The following TMTC1 variants were observed in gnomAD, a reference collection of about 807,000 sequenced individuals.
TMTC1 encodes the protein protein O-mannosyl-transferase TMTC1.
Under a neutral mutation model 104.8 loss-of-function variants are expected in TMTC1, and 73 were observed. The observed-to-expected ratio is 0.70, with a 90% CI of 0.58 to 0.85. The LOEUF is 0.85. TMTC1 is among the 40% of genes least tolerant of loss of function. The pLI is 0.00. For missense variants in TMTC1, 1,035 were observed against 1,096.1 expected, an observed-to-expected ratio of 0.94 and a Z score of 0.79; for synonymous variants, 434 against 428.7, an observed-to-expected ratio of 1.01 and a Z score of -0.15.
chr12:29,672,697 T>C (rs1940564592), intron 5 of TMTC1, among the ~76,000 whole-genome samples: 1 of 152,086 alleles, frequency 6.6e-6, no homozygotes, highest in Non-Finnish European at 1.5e-5. Context: ...ACAACGACAA[T>C]AAATCCAGAA....
chr12:29,529,658 T>C (rs961311316), intron 11 of TMTC1, among the ~76,000 whole-genome samples: 1 of 152,310 alleles, frequency 6.6e-6, no homozygotes, highest in Admixed American at 6.5e-5. Flanking sequence ...ACACCTGTTT[T>C]CTCACCCTCT....
intron 5 of TMTC1, among the ~76,000 whole-genome samples, chr12:29,667,609 T>C (rs1940334394): frequency 6.6e-6 from 1 of 152,214 alleles, no homozygotes; most frequent in South Asian, 2.1e-4. Flanking sequence ...CCCAGAAATG[T>C]TACTTGGCCT....
chr12:29,579,496 G>T (rs1945917224), intron 8 of TMTC1, among the ~76,000 whole-genome samples: 1 of 152,190 alleles, frequency 6.6e-6, no homozygotes, highest in South Asian at 2.1e-4. Context: ...TTCCTACAGA[G>T]TAGGAAGATG....
intron 1 of TMTC1, among the ~76,000 whole-genome samples, chr12:29,770,965 T>C (rs182728170): frequency 3.0e-4 from 45 of 152,232 alleles, no homozygotes; most frequent in Non-Finnish European, 2.9e-5. Flanking sequence ...CAAAGGCGTT[T>C]ATCAAAATCT....
At chr12:29,653,829 T>G (rs1939634678) in intron 5 of TMTC1, among the ~76,000 whole-genome samples, 1 of 152,216 alleles carries the variant, frequency 6.6e-6, no homozygotes, top group South Asian at 2.1e-4. Flanking sequence ...CCTTACATCT[T>G]GATATACCCA....
intron 10 of TMTC1, among the ~76,000 whole-genome samples, chr12:29,556,090 C>T (rs928114557): frequency 6.6e-6 from 1 of 151,874 alleles, no homozygotes; most frequent in African/African-American, 2.4e-5. Flanking sequence ...TCCATAACTA[C>T]CACCACCGTT....
chr12:29,633,520 T>C (rs1215409715), intron 5 of TMTC1, among the ~76,000 whole-genome samples, 184 bp from the exon 6 acceptor site: 1 of 152,172 alleles, frequency 6.6e-6, no homozygotes, highest in African/African-American at 2.4e-5. Context: ...TTGGGATATA[T>C]CTAATAGGTT....
intron 7 of TMTC1, among the ~76,000 whole-genome samples, chr12:29,594,932 G>A (rs1946369036): frequency 6.6e-6 from 1 of 152,184 alleles, no homozygotes; most frequent in Non-Finnish European, 1.5e-5. Context: ...GAGGAAGAAA[G>A]GGAAGGAAGA....
intron 5 of TMTC1, among the ~76,000 whole-genome samples, chr12:29,699,093 G>C (rs1696023840): frequency 6.6e-6 from 1 of 152,322 alleles, no homozygotes; most frequent in South Asian, 2.1e-4. Flanking sequence ...GTTCAACTTA[G>C]TAATGCCTTA....
chr12:29,681,099 CA>C (rs71045827), intron 5 of TMTC1, among the ~76,000 whole-genome samples: 131 of 107,220 alleles, frequency 1.2e-3, no homozygotes, highest in South Asian at 0.012. Context: ...ACCCTGTCTC[CA>C]AAAAAAAAAA....
At chr12:29,599,968 ATG>A (rs113537256) in intron 7 of TMTC1, among the ~76,000 whole-genome samples, 18,447 of 131,094 alleles carry the variant, frequency 0.14, 1,666 homozygotes, top group African/African-American at 0.27. Context: ...GTATATATAT[ATG>A]TGTGTGTGTG....
At chr12:29,643,459 A>G (rs1938972576) in intron 5 of TMTC1, among the ~76,000 whole-genome samples, 1 of 94,266 alleles carries the variant, frequency 1.1e-5, no homozygotes, top group African/African-American at 3.8e-5. Flanking sequence ...CATATATATG[A>G]TGGAATATAT....
At chr12:29,520,950 AGAT>A (rs1417126061) in intron 11 of TMTC1, 2 of 460,866 alleles carry the variant, frequency 4.3e-6, no homozygotes, top group Non-Finnish European at 7.7e-6. Context: ...AGGGCGAAAA[AGAT>A]GATGTTTTCT....
At chr12:29,542,235 A>G (rs770312457) in intron 10 of TMTC1, among the ~76,000 whole-genome samples, 1 of 152,120 alleles carries the variant, frequency 6.6e-6, no homozygotes, top group African/African-American at 2.4e-5. Flanking sequence ...AGTCACAGAA[A>G]ACTCTGAATC....
chr12:29,774,430 T>C (rs1943663140), intron 1 of TMTC1, among the ~76,000 whole-genome samples: 1 of 152,142 alleles, frequency 6.6e-6, no homozygotes, highest in Admixed American at 6.5e-5. Flanking sequence ...TAGAGTACAT[T>C]CTTTTCCAAA....
chr12:29,773,490 G>A (rs1008319910), intron 1 of TMTC1, among the ~76,000 whole-genome samples: 4 of 152,090 alleles, frequency 2.6e-5, no homozygotes, highest in Non-Finnish European at 5.9e-5. Flanking sequence ...AGAAGGACTA[G>A]AGTCCTTCCT....
chr12:29,651,696 G>A (rs1407971752), intron 5 of TMTC1, among the ~76,000 whole-genome samples: 1 of 152,196 alleles, frequency 6.6e-6, no homozygotes, highest in Non-Finnish European at 1.5e-5. Flanking sequence ...TAATTTCAGA[G>A]CTTGCTATTA....
intron 7 of TMTC1, among the ~76,000 whole-genome samples, chr12:29,603,420 G>A (rs1946618322): frequency 6.6e-6 from 1 of 151,912 alleles, no homozygotes; most frequent in African/African-American, 2.4e-5. Context: ...ATAGTCCAAA[G>A]TGTTAATTTT....
intron 17 of TMTC1, 45 bp downstream of exon 17, chr12:29,511,998 A>G (rs770754376): frequency 6.5e-7 from 1 of 1,546,202 alleles, no homozygotes; most frequent in Non-Finnish European, 8.9e-7. Context: ...GAGAGAAAAC[A>G]CAGGGGGAAA....
Sources: allele counts gnomAD v4.1 joint callset (sites outside exome capture counted in the v4.1 genomes callset), GRCh38; gene constraint gnomAD v4.1.1; transcripts MANE v1.5; gene names NCBI Gene and HGNC (gene_info 2026-07-23, HGNC 2026-07-21).